Variants in ANKS1B observed in about 807,000 individuals in gnomAD.
ANKS1B encodes ankyrin repeat and sterile alpha motif domain-containing protein 1B.
ANKS1B carries 36 observed loss-of-function variants against 148.3 expected under a neutral mutation model. That is an observed-to-expected ratio of 0.24 (90% CI 0.19 to 0.32). The LOEUF is 0.32. ANKS1B is among the 10% of genes least tolerant of loss of function. The pLI, the probability that ANKS1B is intolerant of heterozygous loss-of-function variation, is 1.00. For missense variants in ANKS1B, 1,157 were observed against 1,542.6 expected (o/e 0.75, Z 4.19); for synonymous variants, 542 against 560.8 (o/e 0.97, Z 0.47).
intron 19 of ANKS1B, among the ~76,000 whole-genome samples, chr12:98,817,699 T>C (rs2099152742): frequency 1.3e-5 from 2 of 152,238 alleles, no homozygotes; most frequent in Admixed American, 6.5e-5. Context: ...TTCTAAAGTG[T>C]GAAAAAGTTA....
intron 10 of ANKS1B, among the ~76,000 whole-genome samples, chr12:99,472,298 G>T (rs1383574732): frequency 2.6e-5 from 4 of 151,994 alleles, no homozygotes; most frequent in African/African-American, 9.7e-5. Flanking sequence ...GTCAGTAACT[G>T]ATGTTTCTTC....
chr12:99,296,684 C>G (rs969638543), intron 12 of ANKS1B, among the ~76,000 whole-genome samples: 6 of 152,118 alleles, frequency 3.9e-5, no homozygotes, highest in Non-Finnish European at 8.8e-5. Context: ...ATCTGTCTAG[C>G]CAACTAGAAT....
At chr12:99,802,749 C>CA in intron 4 of ANKS1B, among the ~76,000 whole-genome samples, 1 of 151,840 alleles carries the variant, frequency 6.6e-6, no homozygotes, top group African/African-American at 2.4e-5. Context: ...CTTTTCTCTA[C>CA]AAAAACTAAA....
chr12:98,741,434 G>GGTT (rs2097798167), downstream of ANKS1B, among the ~76,000 whole-genome samples: 1 of 152,122 alleles, frequency 6.6e-6, no homozygotes, highest in Non-Finnish European at 1.5e-5. Flanking sequence ...TTTAAAACTG[G>GGTT]GTTTGCTGCC....
chr12:99,895,182 G>A (rs746977322), intron 1 of ANKS1B, among the ~76,000 whole-genome samples: 7 of 150,486 alleles, frequency 4.7e-5, no homozygotes, highest in Non-Finnish European at 8.9e-5. Context: ...ATGTGGGCAG[G>A]TCTCATCCAA....
At chr12:99,680,811 G>A (rs899452733) in intron 8 of ANKS1B, among the ~76,000 whole-genome samples, 2 of 152,142 alleles carry the variant, frequency 1.3e-5, no homozygotes, top group Non-Finnish European at 2.9e-5. Context: ...TTGGAGGGGC[G>A]TGGTAAGAGT....
At chr12:99,416,860 T>C (rs948416767) in intron 11 of ANKS1B, among the ~76,000 whole-genome samples, 1 of 152,216 alleles carries the variant, frequency 6.6e-6, no homozygotes, top group Non-Finnish European at 1.5e-5. Flanking sequence ...AAGTACATTT[T>C]TTTTTAACCA....
chr12:98,819,730 C>A (rs1323751460), intron 19 of ANKS1B, among the ~76,000 whole-genome samples: 1 of 152,152 alleles, frequency 6.6e-6, no homozygotes, highest in Non-Finnish European at 1.5e-5. Context: ...TCTTAAAATT[C>A]TCTGCTTTTC....
intron 17 of ANKS1B, among the ~76,000 whole-genome samples, chr12:99,029,297 C>A (rs568748169): frequency 5.7e-4 from 87 of 152,230 alleles, no homozygotes; most frequent in Non-Finnish European, 9.0e-4. Flanking sequence ...TTTTACAAAA[C>A]AGAGATCCAT....
chr12:98,735,791 G>C (rs1362774957), intron 9 of ANKS1B, among the ~76,000 whole-genome samples: 1 of 152,160 alleles, frequency 6.6e-6, no homozygotes. Flanking sequence ...TAAGGGCCAG[G>C]GAGAGGCAGA....
intron 4 of ANKS1B, among the ~76,000 whole-genome samples, chr12:99,796,524 T>C (rs1351593308): frequency 1.3e-5 from 2 of 151,952 alleles, no homozygotes; most frequent in South Asian, 2.1e-4. Context: ...CAGTGGCAGC[T>C]TGGCTTTTAG....
At chr12:99,034,898 C>G (rs1204834095) in intron 17 of ANKS1B, among the ~76,000 whole-genome samples, 1 of 152,114 alleles carries the variant, frequency 6.6e-6, no homozygotes, top group Non-Finnish European at 1.5e-5. Context: ...AAACAGATAA[C>G]AAATGCACAT....
intron 1 of ANKS1B, among the ~76,000 whole-genome samples, chr12:99,903,393 T>C (rs2093667756): frequency 6.6e-6 from 1 of 152,142 alleles, no homozygotes. Context: ...TCCTCTTCAG[T>C]AGGGACCCTG....
At chr12:99,163,048 A>T in intron 14 of ANKS1B, among the ~76,000 whole-genome samples, 1 of 151,054 alleles carries the variant, frequency 6.6e-6, no homozygotes, top group African/African-American at 2.4e-5. Context: ...ACAGAGCGAG[A>T]CTCTGTCAAA....
chr12:99,730,862 G>A (rs73143688), intron 8 of ANKS1B, among the ~76,000 whole-genome samples: 365 of 152,228 alleles, frequency 2.4e-3, no homozygotes, highest in Non-Finnish European at 3.5e-3. Context: ...TTAAATGTCC[G>A]TAAGACTATT....
chr12:99,396,668 T>C (rs909428563), intron 12 of ANKS1B, among the ~76,000 whole-genome samples: 2 of 152,170 alleles, frequency 1.3e-5, no homozygotes, highest in Non-Finnish European at 2.9e-5. Context: ...TCTGATCCTC[T>C]GCTTCTGGTG....
intron 8 of ANKS1B, among the ~76,000 whole-genome samples, chr12:99,729,414 A>G (rs1010247551): frequency 6.6e-6 from 1 of 152,092 alleles, no homozygotes; most frequent in African/African-American, 2.4e-5. Flanking sequence ...CTGGCAATTT[A>G]AATTTTATAG....
intron 12 of ANKS1B, among the ~76,000 whole-genome samples, chr12:99,353,026 C>A (rs1331049041): frequency 6.6e-6 from 1 of 151,990 alleles, no homozygotes; most frequent in Non-Finnish European, 1.5e-5. Context: ...GGGATGTTAT[C>A]CCCACAAGTT....
intron 12 of ANKS1B, among the ~76,000 whole-genome samples, chr12:99,290,815 A>G (rs773180937): frequency 3.3e-5 from 5 of 152,048 alleles, no homozygotes; most frequent in Non-Finnish European, 2.9e-5. Context: ...CAGCTAGTAT[A>G]ATACTTAATG....
Sources: gnomAD v4.1 joint callset for allele counts (sites outside exome capture counted in the v4.1 genomes callset) on GRCh38, gnomAD v4.1.1 for gene constraint, MANE v1.5 for transcripts, NCBI Gene and HGNC (gene_info 2026-07-23, HGNC 2026-07-21) for gene names.